The following SLC24A2 variants were observed in gnomAD, a reference collection of about 807,000 sequenced individuals.
SLC24A2 encodes solute carrier family 24 member 2.
Under a neutral mutation model 62.0 loss-of-function variants are expected in SLC24A2, and 36 were observed. The ratio of observed to expected loss-of-function variants is 0.58; its 90% CI spans 0.44 to 0.77. The LOEUF (loss-of-function observed/expected upper bound fraction) is 0.77. Ranked by LOEUF, SLC24A2 falls within the 30% of genes least tolerant of loss-of-function variation. SLC24A2 has a pLI of 0.00. For synonymous variants in SLC24A2, 358 were observed against 294.0 expected, an observed-to-expected ratio of 1.22 and a Z score of -2.23; for missense variants, 846 against 817.9, an observed-to-expected ratio of 1.03 and a Z score of -0.42.
chr9:20,128,205 C>T, the SLC24A2 span, among the ~76,000 whole-genome samples: 2 of 152,068 alleles, frequency 1.3e-5, no homozygotes, highest in South Asian at 4.1e-4. Context: ...TAAATACATA[C>T]TATAGTCCAC....
intron 5 of SLC24A2, among the ~76,000 whole-genome samples, chr9:19,595,561 T>C (rs936149339): frequency 1.3e-5 from 2 of 152,222 alleles, no homozygotes; most frequent in African/African-American, 4.8e-5. Flanking sequence ...GACTGTGTTT[T>C]CCTGCTTCCA....
the SLC24A2 span, among the ~76,000 whole-genome samples, chr9:20,178,164 C>G: frequency 1.3e-5 from 2 of 152,174 alleles, no homozygotes; most frequent in Non-Finnish European, 2.9e-5. Flanking sequence ...CTGAACTGTT[C>G]AGAGTGAAAC....
At chr9:20,246,872 A>G in the SLC24A2 span, among the ~76,000 whole-genome samples, 2 of 152,128 alleles carry the variant, frequency 1.3e-5, no homozygotes, top group African/African-American at 4.8e-5. Flanking sequence ...TGCCACCACC[A>G]CCCTATCTCC....
the SLC24A2 span, among the ~76,000 whole-genome samples, chr9:20,283,869 G>A: frequency 6.6e-6 from 1 of 152,114 alleles, no homozygotes; most frequent in African/African-American, 2.4e-5. Context: ...TGAGCAGGCA[G>A]CGTGTTTAGG....
intron 4 of SLC24A2, among the ~76,000 whole-genome samples, chr9:19,611,032 G>A (rs528457505): frequency 6.6e-6 from 1 of 152,158 alleles, no homozygotes; most frequent in Non-Finnish European, 1.5e-5. Flanking sequence ...AGCAGGGAGA[G>A]GGAGAGTGAG....
At chr9:19,574,112 G>A (rs762209104) in intron 6 of SLC24A2, among the ~76,000 whole-genome samples, 2 of 152,104 alleles carry the variant, frequency 1.3e-5, no homozygotes, top group Admixed American at 1.3e-4. Context: ...ACCTCCAAGG[G>A]ACATTATGTT....
the SLC24A2 span, among the ~76,000 whole-genome samples, chr9:20,205,649 T>TAAAA: frequency 8.7e-3 from 563 of 64,692 alleles, no homozygotes; most frequent in Non-Finnish European, 0.01. Flanking sequence ...AGACTCCATC[T>TAAAA]AAAAAAAAAA....
At chr9:19,584,944 T>A (rs1836325421) in intron 5 of SLC24A2, among the ~76,000 whole-genome samples, 1 of 152,174 alleles carries the variant, frequency 6.6e-6, no homozygotes, top group Admixed American at 6.5e-5. Flanking sequence ...AAATATTTTG[T>A]TAATGAACCA....
At chr9:19,727,765 T>A (rs1424564522) in intron 2 of SLC24A2, among the ~76,000 whole-genome samples, 2 of 152,208 alleles carry the variant, frequency 1.3e-5, no homozygotes, top group African/African-American at 4.8e-5. Context: ...TATAGTAATT[T>A]ACCTTACATC....
the SLC24A2 span, among the ~76,000 whole-genome samples, chr9:20,139,845 G>C: frequency 6.6e-6 from 1 of 152,188 alleles, no homozygotes; most frequent in African/African-American, 2.4e-5. Context: ...TGATGCTTCT[G>C]GGAGGAAAAG....
intron 8 of SLC24A2, among the ~76,000 whole-genome samples, chr9:19,549,701 C>A (rs1026018993): frequency 2.6e-5 from 4 of 152,106 alleles, no homozygotes; most frequent in African/African-American, 9.7e-5. Flanking sequence ...TGATGGTAGC[C>A]CCAAGATGAG....
the SLC24A2 span, among the ~76,000 whole-genome samples, chr9:19,916,984 T>TTTTG: frequency 6.9e-6 from 1 of 144,844 alleles, no homozygotes; most frequent in Admixed American, 6.8e-5. Flanking sequence ...CTTACCTGTT[T>TTTTG]TTTTTTTTTT....
chr9:19,716,036 T>C (rs1475976272), intron 2 of SLC24A2, among the ~76,000 whole-genome samples: 1 of 152,172 alleles, frequency 6.6e-6, no homozygotes, highest in Non-Finnish European at 1.5e-5. Context: ...CTTACAAAAT[T>C]AGAGGCTTTA....
chr9:20,068,316 C>G, the SLC24A2 span, among the ~76,000 whole-genome samples: 1 of 152,006 alleles, frequency 6.6e-6, no homozygotes, highest in African/African-American at 2.4e-5. Flanking sequence ...CCTGCCTTGG[C>G]CTCCCAAAGT....
At chr9:19,531,053 A>T (rs899916224) in intron 8 of SLC24A2, among the ~76,000 whole-genome samples, 1 of 152,142 alleles carries the variant, frequency 6.6e-6, no homozygotes, top group African/African-American at 2.4e-5. Flanking sequence ...TCAGAAAATT[A>T]AAAAAAGCAT....
chr9:19,896,191 T>G, the SLC24A2 span, among the ~76,000 whole-genome samples: 1 of 152,214 alleles, frequency 6.6e-6, no homozygotes, highest in Non-Finnish European at 1.5e-5. Context: ...TCTGCATTAA[T>G]TAGCATGTTG....
chr9:20,076,997 A>G, the SLC24A2 span, among the ~76,000 whole-genome samples: 3 of 150,938 alleles, frequency 2.0e-5, no homozygotes, highest in African/African-American at 4.9e-5. Context: ...ATTTGCCACA[A>G]CATGAATGGA....
the SLC24A2 span, among the ~76,000 whole-genome samples, chr9:19,959,608 A>T: frequency 2.6e-5 from 4 of 152,348 alleles, no homozygotes; most frequent in African/African-American, 9.6e-5. Flanking sequence ...AAATGAACTG[A>T]AAGAATGCAG....
At chr9:19,542,694 C>T (rs1834336275) in intron 8 of SLC24A2, among the ~76,000 whole-genome samples, 1 of 152,166 alleles carries the variant, frequency 6.6e-6, no homozygotes, top group African/African-American at 2.4e-5. Flanking sequence ...TTGAAATAAT[C>T]ACGTGCTTTT....
Sources: allele counts gnomAD v4.1 joint callset (sites outside exome capture counted in the v4.1 genomes callset), GRCh38; gene constraint gnomAD v4.1.1; transcripts MANE v1.5; gene names NCBI Gene and HGNC (gene_info 2026-07-23, HGNC 2026-07-21).